Variants in CCDC40 observed in about 807,000 individuals in gnomAD.
CCDC40 encodes the protein coiled-coil domain 40 molecular ruler complex subunit, also known as coiled-coil domain-containing protein 40.
CCDC40 carries 104 observed loss-of-function variants against 124.5 expected under a neutral mutation model. The observed-to-expected ratio is 0.84, with a 90% CI of 0.71 to 0.98. The LOEUF (loss-of-function observed/expected upper bound fraction) is 0.98, where lower values mean the gene tolerates loss of function less well. CCDC40 is among the 50% of genes least tolerant of loss of function. The pLI is 0.00. For synonymous variants in CCDC40, 580 were observed against 602.9 expected, an observed-to-expected ratio of 0.96 and a Z score of 0.56; for missense variants, 1,463 against 1,503.9, an observed-to-expected ratio of 0.97 and a Z score of 0.45.
In CCDC40 at chr17:80,095,450, AG is replaced by A. The variant is rs1392854555; in HGVS notation, c.3021+1del. 6.2e-7 allele frequency: 1 copy of A among 1,614,016 alleles called. No individual in the cohort carries two copies. The highest frequency in any genetic ancestry group is 1.3e-5 in the African/African-American group (1 of 74,956). Reference sequence around the variant, plus strand: ...CGCCGGAAAATCAGGGACGTTCGCAAGGTAGGGAGCAGCGGAAAGGAAACAG... The same window carrying A: ...CGCCGGAAAATCAGGGACGTTCGCAAGTAGGGAGCAGCGGAAAGGAAACAG... The part of the protein sequence containing the change: ...ELRRKIRDVR[K>X]ATDECTKTVL... On this transcript the variant is annotated frameshift_variant and splice_region_variant, in exon 18 of 20. Transcript: ENST00000397545. LOFTEE classifies it high-confidence loss of function.
At chr17:80,051,212 C>A in intron 7 of CCDC40, 1 of 458,954 alleles carries the variant, frequency 2.2e-6, no homozygotes, top group Non-Finnish European at 2.9e-6. Flanking sequence ...ATGACCTACA[C>A]AAACCTGGAG....
intron 9 of CCDC40, 92 bp downstream of exon 9, chr17:80,059,072 G>A (rs539830416): frequency 8.0e-5 from 120 of 1,505,074 alleles, no homozygotes; most frequent in East Asian, 5.6e-4. Flanking sequence ...GCACCTGCCC[G>A]TCTGCTGGAT....
At chr17:80,083,360 TG>T (rs750296187) in intron 12 of CCDC40, among the ~76,000 whole-genome samples, 1 of 152,156 alleles carries the variant, frequency 6.6e-6, no homozygotes, top group African/African-American at 2.4e-5. Flanking sequence ...TTCCACCACC[TG>T]GGGACATTGG....
intron 3 of CCDC40, 121 bp downstream of exon 3, chr17:80,040,391 T>A: frequency 1.9e-6 from 2 of 1,053,660 alleles, no homozygotes; most frequent in Non-Finnish European, 2.8e-6. Flanking sequence ...AGAAATGTCT[T>A]AGCAAGGCTG....
chr17:80,097,313 C>T lies in CCDC40; in HGVS notation c.3090C>T (p.Leu1030=), dbSNP rs2038828025. 1.2e-6 allele frequency: 2 copies of T among 1,613,954 alleles called. No homozygotes were observed. Among genetic ancestry groups the T allele is most frequent in the Non-Finnish European group, 1.7e-6 (2 of 1,180,036 alleles). Residue 1030 remains leucine (L), a synonymous_variant, in exon 19 of 20, where the codon CTC becomes CTT. Transcript: ENST00000397545. ...CACAAAGAAATGTGAGCAGCTCCCT[C>T]CTAGAGAAGCAGGAAAAGCTGTCGG... ...EETQRNVSSS[L]LEKQEKLSVI...
chr17:80,073,306 G>A (rs908444740), intron 10 of CCDC40, among the ~76,000 whole-genome samples: 4 of 152,086 alleles, frequency 2.6e-5, no homozygotes, highest in African/African-American at 9.7e-5. Flanking sequence ...CAAATTGAAG[G>A]TTGACGGCAG....
intron 9 of CCDC40, among the ~76,000 whole-genome samples, chr17:80,064,673 TC>T (rs2037990490): frequency 6.6e-6 from 1 of 151,580 alleles, no homozygotes; most frequent in Non-Finnish European, 1.5e-5. Flanking sequence ...CCCCTAGTTT[TC>T]AAGCCCCTCC....
In CCDC40 at chr17:80,087,354, C is replaced by A; in HGVS notation, c.2450-253C>A. ...CACACCTGCTGGCTGTCCCCACAGG[C>A]AGGTCCTCTCAGTTCCGTTGGAGGA... On this transcript the variant is annotated intron_variant, in intron 14 of 19. Transcript: ENST00000397545. This position sits in a 1 kb window ranked among gnomAD's most constrained non-coding sequence, Gnocchi z 4.5. 1 of 542,136 alleles carries A rather than the reference C, an allele frequency of 1.8e-6. No individual in the cohort carries two copies. The allele number at this position is 542,136 out of a possible 1,614,324, so 33.6% of individuals were successfully genotyped here.
rs2304851 is a variant in CCDC40, at chr17:80,099,961, A to C, written c.*186A>C. The C allele has an allele frequency of 0.35, 231,634 of 658,676 alleles. 42,773 individuals carry two copies. Among genetic ancestry groups the C allele is most frequent in the Middle Eastern group, 0.49 (1,150 of 2,364 alleles). 40.8% of individuals were successfully genotyped at this position (658,676 alleles called of 1,614,324 possible). On this transcript the variant is annotated 3_prime_UTR_variant, in exon 20 of 20. Transcript: ENST00000397545. The stretch of plus-strand genomic sequence containing the variant: ...TAGCCACTCAGCAATTTAATAAACC[A>C]GGTAAAATCCTAGCGTTTCCCATGG...
chr17:80,040,279 C>T lies in CCDC40; in HGVS notation c.552+9C>T. On this transcript the variant is annotated intron_variant, in intron 3 of 19. Transcript: ENST00000397545. ...CAGCAGTGGGCAGATTGGTGAGTAG[C>T]CCTGACTTCTGTTTTGTGCCAGTGT... 3 of 1,611,866 alleles carry T rather than the reference C, an allele frequency of 1.9e-6. No individual in the cohort carries two copies. The highest frequency in any genetic ancestry group is 2.5e-6 in the Non-Finnish European group (3 of 1,179,416).
At chr17:80,036,806 T>A in intron 1 of CCDC40, 115 bp downstream of exon 1, 3 of 968,188 alleles carry the variant, frequency 3.1e-6, no homozygotes, top group Middle Eastern at 2.2e-4. Context: ...CCACTCCCCC[T>A]TCCTCTCGCC....
chr17:80,099,604 G>C lies in CCDC40; in HGVS notation c.3258G>C (p.Leu1086=), dbSNP rs759098835. 9.3e-6 allele frequency: 15 copies of C among 1,613,782 alleles called. 1 individual carries two copies. The South Asian group carries it at 1.5e-4, about 17-fold the overall frequency. The stretch of plus-strand genomic sequence containing the variant: ...TGAAGGAGGGGCGCTACGTGTTCCT[G>C]TTCCGCTCCAAGCAGTCCCTAGTGC... ...QAVKEGRYVF[L]FRSKQSLVLE... Residue 1086 remains leucine (L), a synonymous_variant, in exon 20 of 20, where the codon CTG becomes CTC. Transcript: ENST00000397545.
intron 10 of CCDC40, among the ~76,000 whole-genome samples, chr17:80,074,003 A>G (rs1287864756): frequency 6.6e-6 from 1 of 152,182 alleles, no homozygotes; most frequent in Admixed American, 6.5e-5. Context: ...ACTTTAAATC[A>G]AAAGTTAGAA....
At position 80,065,555 on chromosome 17, in the gene CCDC40, T is replaced by C; in HGVS notation, c.1511T>C (p.Val504Ala). The C allele has an allele frequency of 6.2e-7, 1 of 1,612,520 alleles. No individual in the cohort carries two copies. The highest frequency in any genetic ancestry group is 2.2e-5 in the East Asian group (1 of 44,722). The change falls in exon 10 of 20, where the codon GTG becomes GCG. Residue 504 changes from valine (V) to alanine (A), a missense_variant. Transcript: ENST00000397545. ...ATGCAGCAATGGGCCAGCAGCCTGG[T>C]GGGCATGAAGCACCGCGACGAGGCG... is the stretch of plus-strand genomic sequence containing the variant. ...RIMQQWASSL[V>A]GMKHRDEAHR...
rs397515393 is a variant in CCDC40, at chr17:80,039,965, GC to G, written c.248del (p.Ala83ValfsTer84). The G allele has an allele frequency of 5.6e-4, 901 of 1,600,206 alleles. No individual in the cohort carries two copies. Among genetic ancestry groups the G allele is most frequent in the Non-Finnish European group, 7.4e-4 (860 of 1,167,354 alleles). ...GEAAVEGEEE[A>X]VSYGDAESEE... is the part of the protein sequence containing the mutation. ...AGCAGCAGTGGAAGGGGAAGAGGAG[GC>G]TGTGTCCTATGGAGATGCTGAAAGC... On this transcript the variant is annotated frameshift_variant, in exon 3 of 20. Coordinates refer to ENST00000397545, the MANE Select transcript of CCDC40 (RefSeq NM_017950.4). LOFTEE classifies it high-confidence loss of function.
At position 80,075,804 on chromosome 17, in the gene CCDC40, A is replaced by C. The variant is rs112141926; in HGVS notation, c.1563-5742A>C. ...CCAAAATATCACCTTTAATGGCAAA[A>C]CTGCAATTACTTTTGCACCAACCTA... On this transcript the variant is annotated intron_variant, in intron 10 of 19. Transcript: ENST00000397545. 3.9e-3 allele frequency among the ~76,000 whole-genome samples: 595 copies of C among 152,272 alleles called. 4 individuals are homozygous for C. Among genetic ancestry groups the C allele is most frequent in the African/African-American group, 0.014 (562 of 41,558 alleles).
intron 17 of CCDC40, 155 bp downstream of exon 17, chr17:80,090,039 G>A (rs1318376288): frequency 5.2e-6 from 8 of 1,536,826 alleles, no homozygotes; most frequent in Admixed American, 2.0e-5. Flanking sequence ...TCCAGGGAGC[G>A]ACCCGCTCCA....
chr17:80,100,029 A>ACCCACACT lies in CCDC40; in HGVS notation c.*263_*270dup. The ACCCACACT allele has an allele frequency of 1.9e-6, 1 of 531,464 alleles. No individual in the cohort carries two copies. 32.9% of individuals were successfully genotyped at this position (531,464 alleles called of 1,614,324 possible). ...AGAGCCTGTGACTGCAGACCCACAC[A>ACCCACACT]CCCACACTCCCACACTGGGCTTACT... On this transcript the variant is annotated 3_prime_UTR_variant, in exon 20 of 20. Coordinates refer to ENST00000397545, the MANE Select transcript of CCDC40 (RefSeq NM_017950.4).
At chr17:80,047,045 C>T (rs548293372) in intron 3 of CCDC40, among the ~76,000 whole-genome samples, 1 of 152,260 alleles carries the variant, frequency 6.6e-6, no homozygotes, top group East Asian at 1.9e-4. Flanking sequence ...GGGGTTTCGC[C>T]ATGTTGGCCA....
Sources: allele counts gnomAD v4.1 joint callset (sites outside exome capture counted in the v4.1 genomes callset), GRCh38; gene constraint gnomAD v4.1.1; non-coding constraint Gnocchi (gnomAD v3.1); transcripts MANE v1.5; gene names NCBI Gene and HGNC (gene_info 2026-07-23, HGNC 2026-07-21).